The following ZNF469 variants were observed in gnomAD, a reference collection of about 807,000 sequenced individuals.
ZNF469 encodes zinc finger protein 469.
A neutral mutation model predicts 1.0 loss-of-function variants in ZNF469; 1 was observed. That is an observed-to-expected ratio of 1.00 (90% CI 0.35 to 4.73). ZNF469 has a LOEUF of 4.73. Among genes scored for constraint, ZNF469 ranks in the 30% most tolerant of loss-of-function variants. The pLI is 0.16. For missense variants in ZNF469, 6,100 were observed against 5,356.3 expected (o/e 1.14, Z -4.33); for synonymous variants, 2,703 against 2,363.4 (o/e 1.14, Z -4.17).
the ZNF469 span, among the ~76,000 whole-genome samples, chr16:88,134,852 C>T: frequency 6.6e-6 from 1 of 152,224 alleles, no homozygotes; most frequent in Non-Finnish European, 1.5e-5. Flanking sequence ...ACGGATTTGT[C>T]TTTTCCTCAA....
the ZNF469 span, among the ~76,000 whole-genome samples, chr16:88,307,346 G>C: frequency 7.2e-5 from 11 of 152,302 alleles, no homozygotes; most frequent in South Asian, 2.1e-3. Context: ...CATTTCTCTA[G>C]AGTCCCCAGC....
the ZNF469 span, among the ~76,000 whole-genome samples, chr16:88,370,215 A>G: frequency 2.0e-5 from 3 of 152,206 alleles, no homozygotes. Context: ...TATTCGGCAC[A>G]ATTTCCAGCA....
At position 88,428,889 on chromosome 16, in the gene ZNF469, G is replaced by GCTCTGC; in HGVS notation, c.1423_1428dup (p.Cys475_Leu476dup). 1 of 1,547,744 alleles carries GCTCTGC rather than the reference G, an allele frequency of 6.5e-7. No individual in the cohort carries two copies. The highest frequency in any genetic ancestry group is 8.7e-7 in the Non-Finnish European group (1 of 1,146,176). ...ACGGCCAGCCCAGCCCAGGCCAGCG[G>GCTCTGC]CTCTGCCTCCCCCAGAGTGCCCCCC... On this transcript the variant is annotated inframe_insertion, in exon 3 of 3. Transcript: ENST00000565624.
the ZNF469 span, among the ~76,000 whole-genome samples, chr16:88,343,172 G>A: frequency 1.7e-5 from 2 of 119,442 alleles, no homozygotes; most frequent in Non-Finnish European, 3.4e-5. Context: ...TCCTGGGTCC[G>A]TGGTAGCCCA....
At chr16:88,326,461 A>G in the ZNF469 span, among the ~76,000 whole-genome samples, 3 of 152,184 alleles carry the variant, frequency 2.0e-5, no homozygotes, top group African/African-American at 7.2e-5. Flanking sequence ...AAAATGGTCT[A>G]ATACACTTCG....
At chr16:88,278,517 A>G in the ZNF469 span, among the ~76,000 whole-genome samples, 980 of 34,708 alleles carry the variant, frequency 0.028, 28 homozygotes, top group African/African-American at 0.11. Context: ...GGTCAGTACC[A>G]TGTAGATATC....
chr16:88,143,830 T>C, the ZNF469 span, among the ~76,000 whole-genome samples: 30 of 152,198 alleles, frequency 2.0e-4, 1 homozygote, highest in Admixed American at 1.5e-3. Flanking sequence ...TGGCTCTGTG[T>C]CTCCTGCATC....
chr16:88,164,472 G>A, the ZNF469 span, among the ~76,000 whole-genome samples: 6 of 150,590 alleles, frequency 4.0e-5, no homozygotes, highest in African/African-American at 1.5e-4. Flanking sequence ...TAGATGGGTG[G>A]CCAGATGCAT....
the ZNF469 span, among the ~76,000 whole-genome samples, chr16:88,241,012 A>G: frequency 3.9e-5 from 6 of 152,088 alleles, no homozygotes; most frequent in Non-Finnish European, 8.8e-5. The surrounding 1 kb of genome is among the most constrained non-coding windows in gnomAD (Gnocchi z 4.8). Context: ...ACACCATGTC[A>G]GACGCTGCCT....
the ZNF469 span, among the ~76,000 whole-genome samples, chr16:88,249,562 A>G: frequency 6.7e-6 from 1 of 149,312 alleles, no homozygotes; most frequent in African/African-American, 2.5e-5. Flanking sequence ...TCAGCCTCCA[A>G]AGTAGCTGGG....
At chr16:88,153,139 C>G in the ZNF469 span, among the ~76,000 whole-genome samples, 2 of 152,204 alleles carry the variant, frequency 1.3e-5, no homozygotes, top group Non-Finnish European at 2.9e-5. Flanking sequence ...GTGCCCAGCA[C>G]AGGCTGGACA....
chr16:88,240,513 A>C, the ZNF469 span, among the ~76,000 whole-genome samples: 1 of 152,172 alleles, frequency 6.6e-6, no homozygotes, highest in African/African-American at 2.4e-5. Context: ...CACCAGGTGC[A>C]AGAATTGAAA....
chr16:88,396,485 C>T (rs542838551), intron 1 of ZNF469, among the ~76,000 whole-genome samples: 59 of 150,358 alleles, frequency 3.9e-4, no homozygotes, highest in African/African-American at 1.3e-3. Flanking sequence ...GAAGGGAGGC[C>T]GGGAGGAGAC....
At chr16:88,327,309 T>C in the ZNF469 span, among the ~76,000 whole-genome samples, 2 of 152,218 alleles carry the variant, frequency 1.3e-5, no homozygotes, top group African/African-American at 2.4e-5. Flanking sequence ...AGCCCCCGCC[T>C]CGCCACGCTG....
the ZNF469 span, among the ~76,000 whole-genome samples, chr16:88,371,362 A>G: frequency 2.0e-5 from 3 of 152,236 alleles, no homozygotes; most frequent in Non-Finnish European, 4.4e-5. Context: ...TACATGAGCA[A>G]TCAAGTTCTC....
chr16:88,427,945 G>A lies in ZNF469; in HGVS notation c.475G>A (p.Gly159Arg), dbSNP rs912413955. The change falls in exon 3 of 3, where the codon GGA becomes AGA. Residue 159 changes from glycine to arginine, a missense_variant. Coordinates refer to ENST00000565624, the MANE Select transcript of ZNF469 (RefSeq NM_001367624.2). ...GGACACCCCCCAGGGCCCTGGGACT[G>A]GAGCTCCACTCAGGCCGGGCCTCCC... ...EVDTPQGPGT[G>R]APLRPGLPRT... The A allele has an allele frequency of 3.9e-6, 6 of 1,549,846 alleles. No homozygotes were observed. Among genetic ancestry groups the A allele is most frequent in the Admixed American group, 2.0e-5 (1 of 50,974 alleles).
At chr16:88,392,438 C>T (rs1306540675) in intron 1 of ZNF469, among the ~76,000 whole-genome samples, 3 of 152,266 alleles carry the variant, frequency 2.0e-5, no homozygotes, top group African/African-American at 7.2e-5. Context: ...GGAAGCCACA[C>T]CCGACTTTTG....
chr16:88,432,384 G>A lies in ZNF469; in HGVS notation c.4914G>A (p.Glu1638=). 6.5e-7 allele frequency: 1 copy of A among 1,549,336 alleles called. No individual in the cohort carries two copies. The highest frequency in any genetic ancestry group is 8.7e-7 in the Non-Finnish European group (1 of 1,146,656). The stretch of plus-strand genomic sequence containing the variant: ...TTGGAGAATCCACTGCACATCGGGA[G>A]GGTGCGGAATCGGCTGTGGCCACCG... ...TRVGESTAHR[E]GAESAVATVE... The change falls in exon 3 of 3, where the codon GAG becomes GAA. Residue 1638 remains glutamate (E), a synonymous_variant. Transcript: ENST00000565624.
the ZNF469 span, among the ~76,000 whole-genome samples, chr16:88,311,962 A>G: frequency 6.6e-6 from 1 of 152,220 alleles, no homozygotes; most frequent in Non-Finnish European, 1.5e-5. Flanking sequence ...AGACTGGGTA[A>G]TTTATAAAGG....
Sources: gnomAD v4.1 joint callset for allele counts (sites outside exome capture counted in the v4.1 genomes callset) on GRCh38, gnomAD v4.1.1 for gene constraint, Gnocchi (gnomAD v3.1) non-coding constraint, MANE v1.5 for transcripts, NCBI Gene and HGNC (gene_info 2026-07-23, HGNC 2026-07-21) for gene names.